ERBB4: variants seen among roughly 807,000 people sequenced by gnomAD.
ERBB4 encodes receptor tyrosine-protein kinase erbB-4.
In ERBB4, 42 loss-of-function variants were observed where a neutral mutation model predicts 158.0. The observed-to-expected ratio is 0.27, with a 90% CI of 0.21 to 0.34. The LOEUF (loss-of-function observed/expected upper bound fraction) is 0.34, where lower values mean the gene tolerates loss of function less well. ERBB4 is among the 10% of genes least tolerant of loss of function. The pLI is 1.00. For synonymous variants in ERBB4, 583 were observed against 558.7 expected, an observed-to-expected ratio of 1.04 and a Z score of -0.61; for missense variants, 1,333 against 1,624.1, an observed-to-expected ratio of 0.82 and a Z score of 3.08.
At chr2:212,110,110 T>C (rs2079358615) in intron 2 of ERBB4, among the ~76,000 whole-genome samples, 2 of 152,162 alleles carry the variant, frequency 1.3e-5, no homozygotes. Flanking sequence ...CAATTGTGCA[T>C]AAATGCTAAG....
chr2:211,482,374 G>A (rs571900479), intron 20 of ERBB4, among the ~76,000 whole-genome samples: 1 of 152,182 alleles, frequency 6.6e-6, no homozygotes, highest in South Asian at 2.1e-4. Context: ...TCAGTATTGG[G>A]GAAAAATTAA....
At chr2:211,842,208 A>T (rs2077485638) in intron 3 of ERBB4, among the ~76,000 whole-genome samples, 1 of 151,688 alleles carries the variant, frequency 6.6e-6, no homozygotes, top group Non-Finnish European at 1.5e-5. Flanking sequence ...AATATTTCTG[A>T]ATTTCTGACA....
At chr2:211,882,797 T>C (rs1327349685) in intron 3 of ERBB4, among the ~76,000 whole-genome samples, 8 of 152,186 alleles carry the variant, frequency 5.3e-5, no homozygotes, top group Admixed American at 5.2e-4. Flanking sequence ...TTCTAACAAT[T>C]GAAGAGACTG....
chr2:211,409,388 T>C (rs1574431501), intron 25 of ERBB4, among the ~76,000 whole-genome samples: 1 of 152,314 alleles, frequency 6.6e-6, no homozygotes, highest in South Asian at 2.1e-4. Context: ...TACATGAATA[T>C]GTGATCAATA....
At chr2:212,257,654 T>C (rs1040657828) in intron 1 of ERBB4, among the ~76,000 whole-genome samples, 1 of 152,156 alleles carries the variant, frequency 6.6e-6, no homozygotes, top group Non-Finnish European at 1.5e-5. Context: ...TAAACAATCA[T>C]GGAATTGTTA....
At chr2:211,817,612 T>C (rs1407243317) in intron 3 of ERBB4, among the ~76,000 whole-genome samples, 2 of 152,140 alleles carry the variant, frequency 1.3e-5, no homozygotes, top group African/African-American at 4.8e-5. Context: ...TCTACAGTAA[T>C]GGAATTTTCA....
intron 3 of ERBB4, among the ~76,000 whole-genome samples, chr2:211,810,298 T>G (rs1488348873): frequency 6.6e-6 from 1 of 152,176 alleles, no homozygotes; most frequent in African/African-American, 2.4e-5. Context: ...GGTGTTAAAG[T>G]CTCCCATTAT....
chr2:211,846,895 T>C (rs1575238394), intron 3 of ERBB4, among the ~76,000 whole-genome samples: 1 of 152,118 alleles, frequency 6.6e-6, no homozygotes. Context: ...ACTGTAACAA[T>C]AGCTTTGAAA....
chr2:212,312,245 A>G (rs2087078936), intron 1 of ERBB4, among the ~76,000 whole-genome samples: 1 of 150,954 alleles, frequency 6.6e-6, no homozygotes, highest in African/African-American at 2.4e-5. Context: ...AAACTGGGGA[A>G]TTCCTAACTT....
At chr2:211,797,600 G>A (rs1038909747) in intron 3 of ERBB4, among the ~76,000 whole-genome samples, 3 of 151,842 alleles carry the variant, frequency 2.0e-5, no homozygotes, top group African/African-American at 7.2e-5. Context: ...TTTCAAATAT[G>A]TCAAGATTTT....
intron 1 of ERBB4, among the ~76,000 whole-genome samples, chr2:212,213,121 T>C (rs2082989795): frequency 6.6e-6 from 1 of 152,072 alleles, no homozygotes; most frequent in South Asian, 2.1e-4. Flanking sequence ...ATCACTCAAG[T>C]GAACAGGCAA....
Position 211,595,131 on chromosome 2 carries a change from A to G in ERBB4, c.2301+24046T>C, listed in dbSNP as rs181888866. ...AAAGATTCAAATAAAATAGTCATTG[A>G]AGAAGTACAATATCATTTCTGGGAT... On this transcript the variant is annotated intron_variant, in intron 19 of 27. Transcript: ENST00000342788. Among the ~76,000 whole-genome samples the G allele has an allele frequency of 5.1e-3, 777 of 152,086 alleles. 8 individuals are homozygous for G. Among genetic ancestry groups the G allele is most frequent in the African/African-American group, 0.018 (751 of 41,346 alleles).
At chr2:212,034,440 T>A (rs1182252685) in intron 2 of ERBB4, among the ~76,000 whole-genome samples, 1 of 152,104 alleles carries the variant, frequency 6.6e-6, no homozygotes, top group Admixed American at 6.6e-5. Flanking sequence ...GAATAGTGGT[T>A]ATGATTCCCA....
intron 12 of ERBB4, among the ~76,000 whole-genome samples, chr2:211,699,237 G>T (rs2073140240): frequency 6.6e-6 from 1 of 152,172 alleles, no homozygotes; most frequent in Non-Finnish European, 1.5e-5. Context: ...CATGTGTGTT[G>T]TATGTGGAAC....
At chr2:211,889,735 A>T (rs2078913261) in intron 3 of ERBB4, among the ~76,000 whole-genome samples, 1 of 150,878 alleles carries the variant, frequency 6.6e-6, no homozygotes, top group Non-Finnish European at 1.5e-5. Context: ...CTGAAAACCA[A>T]GGCTCGAGAA....
chr2:212,226,497 T>C lies in ERBB4; in HGVS notation c.83-101594A>G, dbSNP rs112093022. Reference sequence around the variant, plus strand: ...CAATCCCAATGCTTTATCTAAGTCATAGAAATTCTGTTCTCTAGGAAAGAA... The same window carrying C: ...CAATCCCAATGCTTTATCTAAGTCACAGAAATTCTGTTCTCTAGGAAAGAA... On this transcript the variant is annotated intron_variant, in intron 1 of 27. Transcript: ENST00000342788. Among the ~76,000 whole-genome samples, 732 of 152,212 alleles carry C rather than the reference T, an allele frequency of 4.8e-3. 7 individuals carry two copies. The highest frequency in any genetic ancestry group is 0.017 in the Middle Eastern group (5 of 294).
chr2:211,834,252 C>A (rs951773292), intron 3 of ERBB4, among the ~76,000 whole-genome samples: 4 of 151,784 alleles, frequency 2.6e-5, no homozygotes, highest in African/African-American at 9.7e-5. Context: ...GTAAATTCAC[C>A]CTGAAGCAAA....
chr2:212,191,891 T>C (rs2082251327), intron 1 of ERBB4, among the ~76,000 whole-genome samples: 1 of 134,176 alleles, frequency 7.5e-6, no homozygotes, highest in Admixed American at 7.7e-5. Flanking sequence ...TGTTACATGT[T>C]ATATATTATA....
At chr2:211,918,970 T>C (rs1296761708) in intron 3 of ERBB4, among the ~76,000 whole-genome samples, 5 of 152,134 alleles carry the variant, frequency 3.3e-5, no homozygotes, top group African/African-American at 1.2e-4. Context: ...ATATACTAAC[T>C]GCTGTGGTTT....
Sources: gnomAD v4.1 joint callset for allele counts (sites outside exome capture counted in the v4.1 genomes callset) on GRCh38, gnomAD v4.1.1 for gene constraint, MANE v1.5 for transcripts, NCBI Gene and HGNC (gene_info 2026-07-23, HGNC 2026-07-21) for gene names.